The following CRTC1 variants were observed in gnomAD, a reference collection of about 807,000 sequenced individuals.
CRTC1 encodes the protein CREB regulated transcription coactivator 1, also known as CREB-regulated transcription coactivator 1.
In CRTC1, 18 loss-of-function variants were observed where a neutral mutation model predicts 66.1. The observed-to-expected ratio is 0.27, with a 90% CI of 0.19 to 0.40. The LOEUF is 0.40. CRTC1 is among the 10% of genes least tolerant of loss of function. CRTC1 has a pLI of 1.00. For synonymous variants in CRTC1, 416 were observed against 398.8 expected (o/e 1.04, Z -0.51); for missense variants, 669 against 887.9 (o/e 0.75, Z 3.13).
At chr19:18,743,142 A>G in intron 2 of CRTC1, 116 bp downstream of exon 2, 1 of 801,168 alleles carries the variant, frequency 1.2e-6, no homozygotes, top group Admixed American at 2.1e-5. Flanking sequence ...AGCCCACCCA[A>G]CCACTGCCTT....
chr19:18,764,981 C>T (rs1387712931), intron 8 of CRTC1, among the ~76,000 whole-genome samples: 1 of 152,236 alleles, frequency 6.6e-6, no homozygotes, highest in Middle Eastern at 3.2e-3. Flanking sequence ...TCAGATGCTG[C>T]CTCTCCCCTG....
chr19:18,732,811 C>G (rs558956605), intron 1 of CRTC1, among the ~76,000 whole-genome samples: 48 of 152,216 alleles, frequency 3.2e-4, no homozygotes, highest in African/African-American at 1.1e-3. Flanking sequence ...CTACAGGAGG[C>G]CGGGTGTGGT....
At position 18,777,747 on chromosome 19, in the gene CRTC1, G is replaced by A; in HGVS notation, c.*365G>A. 1 of 348,950 alleles carries A rather than the reference G, an allele frequency of 2.9e-6. No individual in the cohort carries two copies. The highest frequency in any genetic ancestry group is 5.3e-6 in the Non-Finnish European group (1 of 188,718). 21.6% of individuals were successfully genotyped at this position (348,950 alleles called of 1,614,324 possible). A position where few individuals can be genotyped will look rare whatever the true frequency, so the allele number is the denominator to read the frequency against. ...CGTGGCGGGCAGGCTCAGGGGAGGG[G>A]CGCGCATGGTCCGCCAGGGCTGTGG... On this transcript the variant is annotated 3_prime_UTR_variant, in exon 14 of 14. Coordinates refer to ENST00000321949, the MANE Select transcript of CRTC1 (RefSeq NM_015321.3). The surrounding 1 kb of genome is among the most constrained non-coding windows in gnomAD (Gnocchi z 5.5).
chr19:18,730,896 C>T (rs1363108962), intron 1 of CRTC1, among the ~76,000 whole-genome samples: 2 of 152,150 alleles, frequency 1.3e-5, no homozygotes, highest in Non-Finnish European at 2.9e-5. Flanking sequence ...CCAGAGGGAG[C>T]TTGGAGAGGG....
chr19:18,725,718 T>C (rs2053735468), intron 1 of CRTC1, among the ~76,000 whole-genome samples: 2 of 152,176 alleles, frequency 1.3e-5, no homozygotes, highest in Admixed American at 1.3e-4. Flanking sequence ...TTCTTTCTCC[T>C]CTTCTGAGTC....
At chr19:18,705,816 T>G (rs1041035819) in intron 1 of CRTC1, among the ~76,000 whole-genome samples, 2 of 151,884 alleles carry the variant, frequency 1.3e-5, no homozygotes, top group Admixed American at 6.6e-5. Context: ...TTGCAAAAAA[T>G]GATATTTTGA....
At chr19:18,720,525 GTTTT>G (rs35827745) in intron 1 of CRTC1, among the ~76,000 whole-genome samples, 1 of 105,044 alleles carries the variant, frequency 9.5e-6, no homozygotes, top group Admixed American at 1.0e-4. Flanking sequence ...AATTTTTAGT[GTTTT>G]TTTTTTTTTT....
chr19:18,736,135 C>T (rs117238278), intron 1 of CRTC1, among the ~76,000 whole-genome samples: 1 of 152,206 alleles, frequency 6.6e-6, no homozygotes, highest in East Asian at 1.9e-4. Context: ...AAGGCTCTTG[C>T]CCTGTGGGGG....
rs2053138238 is a variant in CRTC1, at chr19:18,701,467, G to A, written c.126+17639G>A. On this transcript the variant is annotated intron_variant, in intron 1 of 13. Transcript: ENST00000321949. The stretch of plus-strand genomic sequence containing the variant: ...TTGAGCTGCTACTTGGGGCAACAGT[G>A]AGAGCAGGATCGCACCTTGTTCACC... 2.6e-5 allele frequency among the ~76,000 whole-genome samples: 4 copies of A among 152,288 alleles called. No individual in the cohort carries two copies. In the South Asian group the frequency reaches 8.3e-4, roughly 31 times the overall value.
In CRTC1 at chr19:18,765,358, T is replaced by G. The variant is rs904944946; in HGVS notation, c.887-46T>G. ...GGGTGTGTAAGCAGCCCTTTCTCAGTGATCAGTCTCACACCTGCTCTCCCT... is the reference window on the plus strand; with the variant it reads ...GGGTGTGTAAGCAGCCCTTTCTCAGGGATCAGTCTCACACCTGCTCTCCCT... On this transcript the variant is annotated intron_variant, in intron 8 of 13. Transcript: ENST00000321949. 8.9e-6 allele frequency: 14 copies of G among 1,572,354 alleles called. No homozygotes were observed. In the Admixed American group the frequency reaches 1.6e-4, roughly 17 times the overall value.
intron 5 of CRTC1, among the ~76,000 whole-genome samples, chr19:18,751,284 G>A (rs1247646552): frequency 1.3e-5 from 2 of 151,972 alleles, no homozygotes; most frequent in Non-Finnish European, 2.9e-5. Flanking sequence ...AGCACTTTGG[G>A]AGGCCGAGGT....
intron 6 of CRTC1, among the ~76,000 whole-genome samples, chr19:18,757,221 C>G (rs1270022435): frequency 6.6e-6 from 1 of 152,130 alleles, no homozygotes; most frequent in Non-Finnish European, 1.5e-5. Context: ...TCTGTCTGGT[C>G]ATGCCTGCCA....
intron 1 of CRTC1, among the ~76,000 whole-genome samples, chr19:18,700,519 A>G (rs1202943667): frequency 1.3e-5 from 2 of 152,112 alleles, no homozygotes; most frequent in African/African-American, 4.8e-5. Context: ...AATAAAAAAA[A>G]TGAAAATAAA....
At chr19:18,690,807 C>T (rs1324544915) in intron 1 of CRTC1, among the ~76,000 whole-genome samples, 1 of 151,744 alleles carries the variant, frequency 6.6e-6, no homozygotes. Context: ...GGGCAGATCA[C>T]GAGGTCAGGA....
At position 18,772,836 on chromosome 19, in the gene CRTC1, T is replaced by G. The variant is rs1039480079; in HGVS notation, c.1425+1290T>G. 2.0e-5 allele frequency among the ~76,000 whole-genome samples: 3 copies of G among 152,112 alleles called. No individual in the cohort carries two copies. In the East Asian group the frequency reaches 5.8e-4, roughly 29 times the overall value. ...TCTGAGCTCTCGGGCTCTGGCAGCG[T>G]GTCTGGTCTCGTCGTGTGGTACTGT... On this transcript the variant is annotated intron_variant, in intron 11 of 13. Coordinates refer to ENST00000321949, the MANE Select transcript of CRTC1 (RefSeq NM_015321.3).
rs1378081653 is a variant in CRTC1, at chr19:18,780,674, T to TG, written c.*3298dup. ...GGGACAGGAGCCTGCCAGAAGCCCA[T>TG]GGGGGGCCAGGCCGGGTGGCTTCTA... is the stretch of plus-strand genomic sequence containing the variant. On this transcript the variant is annotated 3_prime_UTR_variant, in exon 14 of 14. Transcript: ENST00000321949. The TG allele has an allele frequency of 1.3e-5, 3 of 224,142 alleles. No homozygotes were observed. Among genetic ancestry groups the TG allele is most frequent in the East Asian group, 6.4e-5 (1 of 15,592 alleles). The allele number at this position is 224,142 out of a possible 1,614,324, so 13.9% of individuals were successfully genotyped here. A position where few individuals can be genotyped will look rare whatever the true frequency, so the allele number is the denominator to read the frequency against.
chr19:18,775,336 G>A (rs1377412781), intron 12 of CRTC1, among the ~76,000 whole-genome samples: 2 of 152,246 alleles, frequency 1.3e-5, no homozygotes, highest in Admixed American at 6.5e-5. Context: ...CGGGTTTGCC[G>A]GGAGGTCGTG....
chr19:18,755,132 G>T (rs2054455638), intron 6 of CRTC1, among the ~76,000 whole-genome samples: 1 of 151,974 alleles, frequency 6.6e-6, no homozygotes, highest in Non-Finnish European at 1.5e-5. Context: ...GGGGTCACAG[G>T]CGTGTGCCAC....
intron 1 of CRTC1, among the ~76,000 whole-genome samples, chr19:18,696,002 G>A (rs2052978395): frequency 2.6e-5 from 4 of 152,198 alleles, no homozygotes; most frequent in Admixed American, 2.6e-4. Flanking sequence ...CCGGGAGCAT[G>A]CAGGTGCAGA....
Sources: gnomAD v4.1 joint callset for allele counts (sites outside exome capture counted in the v4.1 genomes callset) on GRCh38, gnomAD v4.1.1 for gene constraint, Gnocchi (gnomAD v3.1) non-coding constraint, MANE v1.5 for transcripts, NCBI Gene and HGNC (gene_info 2026-07-23, HGNC 2026-07-21) for gene names.